DAAM1: variants seen among roughly 807,000 people sequenced by gnomAD.
DAAM1 encodes dishevelled associated activator of morphogenesis 1.
Under a neutral mutation model 130.0 loss-of-function variants are expected in DAAM1, and 52 were observed. That is an observed-to-expected ratio of 0.40 (90% confidence interval 0.32 to 0.50). DAAM1 has a LOEUF of 0.50. DAAM1 is among the 20% of genes least tolerant of loss of function. The pLI, the probability that DAAM1 is intolerant of heterozygous loss-of-function variation, is 0.61. For synonymous variants in DAAM1, 452 were observed against 444.5 expected, an observed-to-expected ratio of 1.02 and a Z score of -0.21; for missense variants, 1,134 against 1,303.8, an observed-to-expected ratio of 0.87 and a Z score of 2.01.
intron 17 of DAAM1, among the ~76,000 whole-genome samples, chr14:59,347,974 C>G (rs1329113419): frequency 6.6e-6 from 1 of 152,026 alleles, no homozygotes; most frequent in Non-Finnish European, 1.5e-5. Context: ...TGTGAGATTG[C>G]AAACCATACT....
rs180984958 is a variant in DAAM1 at position 59,245,787 on chromosome 14, C to T, written c.-37-17654C>T. ...CAAATTTAAAAGAAGAAAGTCATTG[C>T]TCATATTAGTGTTGTACAGTTGAAC... On this transcript the variant is annotated intron_variant, in intron 1 of 24. Coordinates refer to ENST00000360909, the MANE Select transcript of DAAM1 (RefSeq NM_001270520.2). Among the ~76,000 whole-genome samples the T allele has an allele frequency of 4.6e-5, 7 of 152,272 alleles. No homozygotes were observed. In the East Asian group the frequency reaches 1.3e-3, roughly 29 times the overall value.
intron 2 of DAAM1, among the ~76,000 whole-genome samples, chr14:59,272,507 A>G (rs1049556366): frequency 6.6e-6 from 1 of 152,014 alleles, no homozygotes; most frequent in Non-Finnish European, 1.5e-5. Flanking sequence ...ACCTTGGGAG[A>G]TGGAGGTTGC....
In DAAM1 at chr14:59,290,648, G is replaced by A. The variant is rs935352349; in HGVS notation, c.184-569G>A. Among the ~76,000 whole-genome samples, 11 of 152,054 alleles carry A rather than the reference G, an allele frequency of 7.2e-5. 1 individual carries two copies. The highest frequency in any genetic ancestry group is 1.3e-4 in the Non-Finnish European group (9 of 68,010). The stretch of plus-strand genomic sequence containing the variant: ...CTTACTCTGGCATTTAAAGCTTTCC[G>A]CTATTCACTCCCTACCTCTCCAGCC... On this transcript the variant is annotated intron_variant, in intron 2 of 24. Transcript: ENST00000360909.
chr14:59,228,475 G>A (rs763335534), intron 1 of DAAM1, among the ~76,000 whole-genome samples: 2 of 152,186 alleles, frequency 1.3e-5, no homozygotes, highest in Non-Finnish European at 2.9e-5. Context: ...ATGGTTCGGA[G>A]TATCACTTGA....
At chr14:59,224,998 G>A (rs1002337120) in intron 1 of DAAM1, among the ~76,000 whole-genome samples, 8 of 135,320 alleles carry the variant, frequency 5.9e-5, no homozygotes, top group Admixed American at 3.0e-4. Flanking sequence ...CTCTAGGACT[G>A]TAAGAAATAA....
In DAAM1 at chr14:59,315,278, A is replaced by G; in HGVS notation, c.274-2A>G. On this transcript the variant is annotated splice_acceptor_variant, in intron 3 of 24. Transcript: ENST00000360909. LOFTEE classifies it high-confidence loss of function. ...ATGTCACTTTTTTTCCCCCCTTTTT[A>G]GGACCAGGAAGAAAACAAGGGAGCT... is the stretch of plus-strand genomic sequence containing the variant. The G allele has an allele frequency of 6.2e-7, 1 of 1,613,778 alleles. No individual in the cohort carries two copies. The highest frequency in any genetic ancestry group is 8.5e-7 in the Non-Finnish European group (1 of 1,179,836).
intron 1 of DAAM1, among the ~76,000 whole-genome samples, chr14:59,192,159 T>G (rs1004077336): frequency 6.8e-6 from 1 of 146,546 alleles, no homozygotes; most frequent in Non-Finnish European, 1.5e-5. Flanking sequence ...GGTGTGTGTG[T>G]GTGTGTGTGT....
intron 1 of DAAM1, among the ~76,000 whole-genome samples, chr14:59,231,458 A>T (rs1889104207): frequency 6.6e-6 from 1 of 152,208 alleles, no homozygotes; most frequent in Non-Finnish European, 1.5e-5. Flanking sequence ...AGATTTGTTG[A>T]TGCTTGCGAA....
intron 2 of DAAM1, chr14:59,265,888 C>T (rs1036304174): frequency 5.9e-5 from 9 of 152,218 alleles, no homozygotes; most frequent in African/African-American, 2.2e-4. Flanking sequence ...CACTTGTGCC[C>T]ACATTTCATT....
At position 59,340,144 on chromosome 14, in the gene DAAM1, G is replaced by A; in HGVS notation, c.2039G>A (p.Gly680Asp). Residue 680 changes from glycine to aspartate, a missense_variant, in exon 16 of 25, where the codon GGT becomes GAT. Physicochemically the swap from Gly to Asp is moderately conservative, Grantham distance 94. Coordinates refer to ENST00000360909, the MANE Select transcript of DAAM1 (RefSeq NM_001270520.2). ...GTTAAAGAGCTTTCGGTGATTGATGGTCGGAGAGCTCAGAATTGCAACATC... is the reference window on the plus strand; with the variant it reads ...GTTAAAGAGCTTTCGGTGATTGATGATCGGAGAGCTCAGAATTGCAACATC... ...LKVKELSVID[G>D]RRAQNCNILL... 1.2e-6 allele frequency: 2 copies of A among 1,613,510 alleles called. No individual in the cohort carries two copies. The highest frequency in any genetic ancestry group is 1.7e-6 in the Non-Finnish European group (2 of 1,179,626).
Position 59,314,525 on chromosome 14 carries a change from T to G in DAAM1, c.274-755T>G, listed in dbSNP as rs1231395580. 2.6e-5 allele frequency among the ~76,000 whole-genome samples: 4 copies of G among 151,650 alleles called. No individual in the cohort carries two copies. In the East Asian group the frequency reaches 5.8e-4, roughly 22 times the overall value. On this transcript the variant is annotated intron_variant, in intron 3 of 24. Transcript: ENST00000360909. ...ATTTGGCTTCAGGTTGGCACAGATC[T>G]CCCATCCACAGAAGCCCTGGGGGGC...
chr14:59,251,819 G>A (rs765370799), intron 1 of DAAM1, among the ~76,000 whole-genome samples: 1 of 152,136 alleles, frequency 6.6e-6, no homozygotes, highest in Non-Finnish European at 1.5e-5. Flanking sequence ...ACAAAGGGCA[G>A]GGTGCTGCTT....
chr14:59,214,741 T>A lies in DAAM1; in HGVS notation c.-38+25973T>A, dbSNP rs989777550. 9.2e-5 allele frequency among the ~76,000 whole-genome samples: 14 copies of A among 152,364 alleles called. No individual in the cohort carries two copies. In the East Asian group the frequency reaches 2.5e-3, roughly 27 times the overall value. Reference sequence around the variant, plus strand: ...TTTATAGATATACCACATTTTTTTTTATTCATGGACATTTGGGTTGTTTCT... The same window carrying A: ...TTTATAGATATACCACATTTTTTTTAATTCATGGACATTTGGGTTGTTTCT... On this transcript the variant is annotated intron_variant, in intron 1 of 24. Coordinates refer to ENST00000360909, the MANE Select transcript of DAAM1 (RefSeq NM_001270520.2).
intron 1 of DAAM1, among the ~76,000 whole-genome samples, chr14:59,240,728 A>C (rs1409183863): frequency 1.3e-5 from 2 of 152,244 alleles, no homozygotes; most frequent in African/African-American, 2.4e-5. Flanking sequence ...CATCTGCGGC[A>C]TCCAGCCACA....
chr14:59,207,075 C>A (rs1236237564), intron 1 of DAAM1, among the ~76,000 whole-genome samples: 1 of 152,026 alleles, frequency 6.6e-6, no homozygotes, highest in Non-Finnish European at 1.5e-5. Context: ...AATGAGGGAA[C>A]CAGTAAGATG....
intron 20 of DAAM1, 107 bp from the exon 21 acceptor site, chr14:59,359,290 A>G (rs1162134999): frequency 9.3e-6 from 8 of 858,338 alleles, no homozygotes; most frequent in South Asian, 7.8e-5. Flanking sequence ...TGTGGGTTCT[A>G]CCATTTGAGC....
At chr14:59,200,734 C>CT (rs1188523547) in intron 1 of DAAM1, among the ~76,000 whole-genome samples, 1 of 152,196 alleles carries the variant, frequency 6.6e-6, no homozygotes, top group Non-Finnish European at 1.5e-5. Context: ...CAAGCCTCTT[C>CT]TGTTCTGTCT....
At chr14:59,352,677 C>CTAAG in intron 18 of DAAM1, 45 bp downstream of exon 18, 1 of 1,515,798 alleles carries the variant, frequency 6.6e-7, no homozygotes. Context: ...ACTTCCCTTT[C>CTAAG]TAAGCTTCAT....
At chr14:59,322,785 C>T in intron 5 of DAAM1, 107 bp from the exon 6 acceptor site, 1 of 898,778 alleles carries the variant, frequency 1.1e-6, no homozygotes, top group Non-Finnish European at 1.7e-6. Flanking sequence ...AGCCTTTTGG[C>T]ACTTTAGGAA....
Sources: gnomAD v4.1 joint callset for allele counts (sites outside exome capture counted in the v4.1 genomes callset) on GRCh38, gnomAD v4.1.1 for gene constraint, MANE v1.5 for transcripts, NCBI Gene and HGNC (gene_info 2026-07-23, HGNC 2026-07-21) for gene names.